Variants in STARD13 observed in about 807,000 individuals in gnomAD.
STARD13 encodes stAR-related lipid transfer protein 13.
STARD13 carries 62 observed loss-of-function variants against 106.4 expected under a neutral mutation model. The observed-to-expected ratio is 0.58, with a 90% CI of 0.48 to 0.72. The LOEUF is 0.72. Ranked by LOEUF, STARD13 falls within the 30% of genes least tolerant of loss-of-function variation. STARD13 has a pLI of 0.00. For synonymous variants in STARD13, 565 were observed against 553.0 expected (o/e 1.02, Z -0.31); for missense variants, 1,387 against 1,424.0 (o/e 0.97, Z 0.42).
the STARD13 span, among the ~76,000 whole-genome samples, chr13:33,616,319 A>G: frequency 1.4e-3 from 210 of 152,218 alleles, 1 homozygote; most frequent in Non-Finnish European, 2.6e-3. Flanking sequence ...AGAAAAGAAG[A>G]AAGACCCTCT....
At chr13:33,656,441 T>TA in the STARD13 span, among the ~76,000 whole-genome samples, 2 of 152,224 alleles carry the variant, frequency 1.3e-5, no homozygotes, top group Admixed American at 6.5e-5. Context: ...TTGTTTGCCT[T>TA]AAAAATATTG....
At position 33,103,837 on chromosome 13, in the gene STARD13, T is replaced by G. The variant is rs1477730937; in HGVS notation, c.*1756A>C. ...AGTAATCTGGCATATATGGTTAAATTCAAGATGTTATGGCAGAAGTGACTT... is the reference window on the plus strand; with the variant it reads ...AGTAATCTGGCATATATGGTTAAATGCAAGATGTTATGGCAGAAGTGACTT... On this transcript the variant is annotated 3_prime_UTR_variant, in exon 14 of 14. Transcript: ENST00000336934. 2.0e-5 allele frequency: 3 copies of G among 152,192 alleles called. No homozygotes were observed. Among genetic ancestry groups the G allele is most frequent in the Admixed American group, 2.0e-4 (3 of 15,274 alleles). The allele number at this position is 152,192 out of a possible 1,614,324, so 9.4% of individuals were successfully genotyped here. A position where few individuals can be genotyped will look rare whatever the true frequency, so the allele number is the denominator to read the frequency against.
chr13:33,128,156 G>A (rs1877524216), intron 5 of STARD13, among the ~76,000 whole-genome samples: 1 of 151,914 alleles, frequency 6.6e-6, no homozygotes, highest in Admixed American at 6.6e-5. Flanking sequence ...CAGAGGTAGA[G>A]CGATAAAGAC....
intron 3 of STARD13, among the ~76,000 whole-genome samples, chr13:33,148,761 C>T (rs1276461071): frequency 6.6e-6 from 1 of 152,228 alleles, no homozygotes; most frequent in East Asian, 1.9e-4. Flanking sequence ...CACATGCAAA[C>T]CTGCACGTAG....
intron 1 of STARD13, among the ~76,000 whole-genome samples, chr13:33,233,325 T>A (rs1192856690): frequency 6.6e-6 from 1 of 152,256 alleles, no homozygotes; most frequent in Non-Finnish European, 1.5e-5. Context: ...TTGAGTGGTA[T>A]CTTCGCTTTA....
chr13:33,194,338 T>A lies in STARD13; in HGVS notation c.170-26716A>T, dbSNP rs1051187448. On this transcript the variant is annotated intron_variant, in intron 1 of 13. Transcript: ENST00000336934. ...AATAATTTAAGTAAGGAGAGATGGT[T>A]AATATTCATTATGGAAACATTCTGC... is the stretch of plus-strand genomic sequence containing the variant. Among the ~76,000 whole-genome samples the A allele has an allele frequency of 2.6e-5, 4 of 152,352 alleles. No homozygotes were observed. The South Asian group carries it at 6.2e-4, about 24-fold the overall frequency.
At chr13:33,564,447 T>A in the STARD13 span, among the ~76,000 whole-genome samples, 1 of 145,914 alleles carries the variant, frequency 6.9e-6, no homozygotes, top group Non-Finnish European at 1.5e-5. Context: ...GGTGGGAATG[T>A]AAATTAGTAG....
the STARD13 span, among the ~76,000 whole-genome samples, chr13:33,557,878 A>T: frequency 5.3e-5 from 8 of 152,216 alleles, no homozygotes; most frequent in Non-Finnish European, 1.0e-4. Context: ...GGAGAACGAG[A>T]TGTTGACATG....
At chr13:33,445,283 G>A in the STARD13 span, among the ~76,000 whole-genome samples, 1 of 152,104 alleles carries the variant, frequency 6.6e-6, no homozygotes, top group Non-Finnish European at 1.5e-5. Flanking sequence ...TGTAAACATG[G>A]AAGCTATTTT....
intron 3 of STARD13, among the ~76,000 whole-genome samples, chr13:33,161,924 G>C (rs2138339350): frequency 6.6e-6 from 1 of 152,256 alleles, no homozygotes; most frequent in Non-Finnish European, 1.5e-5. Flanking sequence ...TTCAGATCTT[G>C]TGAGACTTAT....
the STARD13 span, among the ~76,000 whole-genome samples, chr13:33,510,865 A>G: frequency 2.6e-5 from 4 of 152,178 alleles, no homozygotes; most frequent in Non-Finnish European, 5.9e-5. Context: ...CAATAAATAC[A>G]TTTTTGTGTA....
the STARD13 span, among the ~76,000 whole-genome samples, chr13:33,514,280 C>A: frequency 6.6e-6 from 1 of 152,124 alleles, no homozygotes; most frequent in South Asian, 2.1e-4. Context: ...GCTTAATGAT[C>A]TAAATGAGAT....
intron 1 of STARD13, among the ~76,000 whole-genome samples, chr13:33,233,772 G>T (rs1417313735): frequency 6.6e-6 from 1 of 152,346 alleles, no homozygotes; most frequent in South Asian, 2.1e-4. Context: ...TGGGGCTTAG[G>T]GTTGCAGTCA....
At chr13:33,283,213 G>A (rs1221934427) in intron 1 of STARD13, among the ~76,000 whole-genome samples, 2 of 152,138 alleles carry the variant, frequency 1.3e-5, no homozygotes, top group South Asian at 2.1e-4. Context: ...GCTGTATCCT[G>A]AGTAGAAAAG....
At chr13:33,454,930 T>A in the STARD13 span, among the ~76,000 whole-genome samples, 1 of 152,134 alleles carries the variant, frequency 6.6e-6, no homozygotes. Flanking sequence ...CAGTAGATAC[T>A]TACTCTGCAC....
At chr13:33,616,258 G>A in the STARD13 span, among the ~76,000 whole-genome samples, 3 of 151,480 alleles carry the variant, frequency 2.0e-5, no homozygotes, top group African/African-American at 7.3e-5. Flanking sequence ...AGGGAAGAAG[G>A]GAAGGGGAGC....
At chr13:33,367,209 T>C in the STARD13 span, among the ~76,000 whole-genome samples, 1 of 152,234 alleles carries the variant, frequency 6.6e-6, no homozygotes, top group Non-Finnish European at 1.5e-5. Context: ...TTCAAATGAC[T>C]TAATTTTTGA....
At chr13:33,365,519 G>A in the STARD13 span, among the ~76,000 whole-genome samples, 12 of 152,142 alleles carry the variant, frequency 7.9e-5, no homozygotes, top group African/African-American at 2.2e-4. Flanking sequence ...AAGGTAAGGC[G>A]GGTAGCAAGA....
At chr13:33,155,004 G>A (rs972878869) in intron 3 of STARD13, among the ~76,000 whole-genome samples, 15 of 151,880 alleles carry the variant, frequency 9.9e-5, no homozygotes, top group Non-Finnish European at 1.9e-4. Flanking sequence ...CTGCCTGCCC[G>A]TAGAGAGGAT....
Sources: gnomAD v4.1 joint callset for allele counts (sites outside exome capture counted in the v4.1 genomes callset) on GRCh38, gnomAD v4.1.1 for gene constraint, MANE v1.5 for transcripts, NCBI Gene and HGNC (gene_info 2026-07-23, HGNC 2026-07-21) for gene names.